Variants in LRCH3 observed in about 807,000 individuals in gnomAD.
LRCH3 encodes DISP complex protein LRCH3.
Under a neutral mutation model 104.5 loss-of-function variants are expected in LRCH3, and 68 were observed. The ratio of observed to expected loss-of-function variants is 0.65; its 90% confidence interval spans 0.54 to 0.80. The LOEUF (loss-of-function observed/expected upper bound fraction) is 0.80. Among genes scored for constraint, LRCH3 ranks in the 30% least tolerant of loss-of-function variants. The pLI, the probability that LRCH3 is intolerant of heterozygous loss-of-function variation, is 0.00. For synonymous variants in LRCH3, 344 were observed against 361.3 expected, an observed-to-expected ratio of 0.95 and a Z score of 0.54; for missense variants, 951 against 953.9, an observed-to-expected ratio of 1.00 and a Z score of 0.04.
At chr3:197,876,153 A>G (rs560742047) in intron 20 of LRCH3, 30 of 155,332 alleles carry the variant, frequency 1.9e-4, no homozygotes, top group Non-Finnish European at 3.6e-4. Context: ...AAAATGTTTT[A>G]GACTTCCAGA....
rs1731127315 is a variant in LRCH3, at chr3:197,795,693, T to TTG, written c.262+4154_262+4155insGT. The stretch of plus-strand genomic sequence containing the variant: ...GTGAGTAAAAAAGTTGTTGTTTTTT[T>TTG]TTTTTTTTTTTTTTTTTGAGATGGA... On this transcript the variant is annotated intron_variant, in intron 1 of 20. Transcript: ENST00000425562. Among the ~76,000 whole-genome samples the TTG allele has an allele frequency of 2.2e-5, 3 of 136,116 alleles. No homozygotes were observed. In the South Asian group the frequency reaches 7.6e-4, roughly 35 times the overall value. 89.3% of individuals were successfully genotyped at this position (136,116 alleles called of 152,430 possible).
chr3:197,870,299 T>C, intron 18 of LRCH3, 21 bp downstream of exon 18: 1 of 1,605,272 alleles, frequency 6.2e-7, no homozygotes, highest in South Asian at 1.1e-5. Context: ...TACCTTTGAT[T>C]TACACTTTTT....
chr3:197,859,930 CCATTCTGGCTT>C (rs1740686476), intron 15 of LRCH3, among the ~76,000 whole-genome samples: 1 of 152,172 alleles, frequency 6.6e-6, no homozygotes, highest in South Asian at 2.1e-4. Flanking sequence ...TCTGTGCCCT[CCATTCTGGCTT>C]CATGGTCCAA....
intron 15 of LRCH3, chr3:197,859,255 A>C (rs533960289): frequency 1.4e-4 from 32 of 230,552 alleles, no homozygotes; most frequent in South Asian, 2.2e-4. Context: ...TTTGAGTCCA[A>C]AAAAACTATC....
chr3:197,802,347 T>C (rs114238961), intron 1 of LRCH3, among the ~76,000 whole-genome samples: 1,561 of 152,312 alleles, frequency 0.01, 14 homozygotes, highest in African/African-American at 0.036. Context: ...AGTAGAAATT[T>C]GTTGGCTCAC....
intron 4 of LRCH3, among the ~76,000 whole-genome samples, chr3:197,821,181 G>A (rs1560540395): frequency 6.6e-6 from 1 of 152,076 alleles, no homozygotes; most frequent in African/African-American, 2.4e-5. Flanking sequence ...GAACTTAACC[G>A]GTCACTGGAG....
intron 1 of LRCH3, among the ~76,000 whole-genome samples, chr3:197,798,602 A>G (rs1731535644): frequency 6.6e-6 from 1 of 152,242 alleles, no homozygotes; most frequent in African/African-American, 2.4e-5. Context: ...GGTAAGAAGA[A>G]TGAGGACTGC....
intron 5 of LRCH3, among the ~76,000 whole-genome samples, chr3:197,827,479 A>G (rs1488967475): frequency 1.3e-5 from 2 of 152,230 alleles, no homozygotes; most frequent in African/African-American, 4.8e-5. Flanking sequence ...CATCGCATGG[A>G]CTTTTTTTGG....
At chr3:197,860,734 T>C (rs1740779432) in intron 15 of LRCH3, among the ~76,000 whole-genome samples, 1 of 152,178 alleles carries the variant, frequency 6.6e-6, no homozygotes, top group Non-Finnish European at 1.5e-5. Context: ...CAAGCATTTA[T>C]CCTTTGTGTT....
At chr3:197,871,528 AT>A in intron 19 of LRCH3, 66 bp downstream of exon 19, 1 of 1,592,768 alleles carries the variant, frequency 6.3e-7, no homozygotes, top group African/African-American at 1.3e-5. Flanking sequence ...GTGGACAGAC[AT>A]TTCTTAAGCA....
intron 1 of LRCH3, among the ~76,000 whole-genome samples, chr3:197,798,899 A>G (rs1315110357): frequency 2.0e-5 from 3 of 152,228 alleles, no homozygotes; most frequent in African/African-American, 7.2e-5. Context: ...CAGTAGCCAC[A>G]TATGTCATTT....
chr3:197,845,995 C>A (rs2109373187), intron 10 of LRCH3, among the ~76,000 whole-genome samples: 1 of 152,290 alleles, frequency 6.6e-6, no homozygotes, highest in South Asian at 2.1e-4. Context: ...TTATTTGGTC[C>A]TTTCTATGTT....
In LRCH3 at chr3:197,884,719, G is replaced by A. The variant is rs1714066089; in HGVS notation, c.*1053G>A. The A allele has an allele frequency of 6.6e-6, 1 of 152,258 alleles. No individual in the cohort carries two copies. 9.4% of individuals were successfully genotyped at this position (152,258 alleles called of 1,614,324 possible). A position where few individuals can be genotyped will look rare whatever the true frequency, so the allele number is the denominator to read the frequency against. ...TTTAAAATCAAAAGCTATATTATGA[G>A]GAGTTGGACTGTTCTGTCAAAGGCA... On this transcript the variant is annotated 3_prime_UTR_variant, in exon 21 of 21. Transcript: ENST00000425562.
At chr3:197,821,610 C>G (rs77326435) in intron 4 of LRCH3, among the ~76,000 whole-genome samples, 3,356 of 152,272 alleles carry the variant, frequency 0.022, 69 homozygotes, top group East Asian at 0.054. Flanking sequence ...GGAATCTTCT[C>G]AAGGTATTTT....
At chr3:197,879,452 C>T (rs575098765) in intron 20 of LRCH3, among the ~76,000 whole-genome samples, 158 of 151,350 alleles carry the variant, frequency 1.0e-3, no homozygotes, top group Non-Finnish European at 1.8e-3. Flanking sequence ...CGAGACCATC[C>T]TGGCTAACAT....
chr3:197,796,040 G>A (rs1342585568), intron 1 of LRCH3, among the ~76,000 whole-genome samples: 2 of 152,060 alleles, frequency 1.3e-5, no homozygotes, highest in Middle Eastern at 3.2e-3. Context: ...GAAACTACCC[G>A]TGATGATATT....
chr3:197,823,377 G>A (rs1734728780), intron 4 of LRCH3: 1 of 152,326 alleles, frequency 6.6e-6, no homozygotes, highest in Admixed American at 6.6e-5. Context: ...TGGGATTACA[G>A]TCGTGAGCCA....
At chr3:197,859,068 G>C in intron 15 of LRCH3, 163 bp downstream of exon 15, 1 of 631,306 alleles carries the variant, frequency 1.6e-6, no homozygotes, top group Non-Finnish European at 2.8e-6. Context: ...GAAATTTTTT[G>C]AAAGTTTTAT....
At position 197,829,630 on chromosome 3, in the gene LRCH3, G is replaced by C. The variant is rs1238761078; in HGVS notation, c.844G>C (p.Asp282His). The change falls in exon 6 of 21, where the codon GAT becomes CAT. Residue 282 changes from aspartate (D) to histidine (H), a missense_variant. Physicochemically the swap from Asp to His is moderately conservative, Grantham distance 81 (BLOSUM62 -1). Transcript: ENST00000425562. ...LNIQACKIAPDLPDYDRRPLG... is the reference protein window; with the variant it reads ...LNIQACKIAPHLPDYDRRPLG... Reference sequence around the variant, plus strand: ...CATACAAGCTTGTAAGATTGCTCCAGATCTGCCGGATTATGATAGGAGACC... The same window carrying C: ...CATACAAGCTTGTAAGATTGCTCCACATCTGCCGGATTATGATAGGAGACC... 1 of 1,613,516 alleles carries C rather than the reference G, an allele frequency of 6.2e-7. No homozygotes were observed. Among genetic ancestry groups the C allele is most frequent in the South Asian group, 1.1e-5 (1 of 90,894 alleles).
Sources: gnomAD v4.1 joint callset for allele counts (sites outside exome capture counted in the v4.1 genomes callset) on GRCh38, gnomAD v4.1.1 for gene constraint, MANE v1.5 for transcripts, NCBI Gene and HGNC (gene_info 2026-07-23, HGNC 2026-07-21) for gene names.